Variants in SLC23A2 observed in about 807,000 individuals in gnomAD.
SLC23A2 encodes solute carrier family 23 member 2.
A neutral mutation model predicts 73.3 loss-of-function variants in SLC23A2; 36 were observed. The ratio of observed to expected loss-of-function variants is 0.49; its 90% CI spans 0.38 to 0.65. The LOEUF is 0.65. Among genes scored for constraint, SLC23A2 ranks in the 30% least tolerant of loss-of-function variants. The pLI is 0.00. For missense variants in SLC23A2, 507 were observed against 841.6 expected (o/e 0.60, Z 4.92); for synonymous variants, 343 against 327.3 (o/e 1.05, Z -0.52).
chr20:4,873,473 G>A (rs542937386), intron 11 of SLC23A2, among the ~76,000 whole-genome samples: 67 of 152,322 alleles, frequency 4.4e-4, no homozygotes, highest in Non-Finnish European at 7.4e-4. Context: ...CTCTACAGCT[G>A]TGGCCAAATT....
intron 2 of SLC23A2, among the ~76,000 whole-genome samples, chr20:4,936,083 T>G (rs1347058409): frequency 6.6e-6 from 1 of 152,248 alleles, no homozygotes; most frequent in African/African-American, 2.4e-5. Context: ...ATTTGGGGGA[T>G]GACCTTTTGA....
rs920211965 is a variant in SLC23A2 at position 4,872,731 on chromosome 20, A to G, written c.1102+1205T>C. Among the ~76,000 whole-genome samples, 1 of 151,978 alleles carries G rather than the reference A, an allele frequency of 6.6e-6. No homozygotes were observed. The highest frequency in any genetic ancestry group is 6.6e-5 in the Admixed American group (1 of 15,258). On this transcript the variant is annotated intron_variant, in intron 11 of 16. Coordinates refer to ENST00000338244, the MANE Select transcript of SLC23A2 (RefSeq NM_005116.6). This position sits in a 1 kb window ranked among gnomAD's most constrained non-coding sequence, Gnocchi z 4.4. ...TATAAATGCACACTTAGACCATACA[A>G]TCTGATGAGAAAGTTATTTTAGAAA... is the stretch of plus-strand genomic sequence containing the variant.
At chr20:4,957,665 C>T (rs978538212) in intron 2 of SLC23A2, among the ~76,000 whole-genome samples, 1 of 151,592 alleles carries the variant, frequency 6.6e-6, no homozygotes, top group Non-Finnish European at 1.5e-5. Flanking sequence ...CTTTGGGAGG[C>T]CAAGGCGGGC....
At chr20:4,914,891 T>G (rs1932271250) in intron 3 of SLC23A2, among the ~76,000 whole-genome samples, 1 of 151,882 alleles carries the variant, frequency 6.6e-6, no homozygotes, top group Non-Finnish European at 1.5e-5. Context: ...AATACAAAAA[T>G]AAGCCAGGCA....
At chr20:4,892,142 AG>A (rs1240608636) in intron 6 of SLC23A2, among the ~76,000 whole-genome samples, 1 of 152,106 alleles carries the variant, frequency 6.6e-6, no homozygotes, top group East Asian at 1.9e-4. Flanking sequence ...AATGATGGAA[AG>A]GGAGCCCAGC....
intron 11 of SLC23A2, among the ~76,000 whole-genome samples, chr20:4,870,835 A>C (rs978132371): frequency 3.3e-5 from 5 of 152,226 alleles, no homozygotes; most frequent in African/African-American, 1.2e-4. Flanking sequence ...CCAACAGTAA[A>C]GCATCCATAA....
chr20:4,965,688 C>A (rs1568646123), intron 2 of SLC23A2, among the ~76,000 whole-genome samples: 1 of 151,670 alleles, frequency 6.6e-6, no homozygotes, highest in African/African-American at 2.4e-5. Flanking sequence ...CACCCTCAGC[C>A]GGGCGCGGTG....
At chr20:4,901,221 G>T (rs1254345066) in intron 5 of SLC23A2, among the ~76,000 whole-genome samples, 1 of 152,086 alleles carries the variant, frequency 6.6e-6, no homozygotes, top group Non-Finnish European at 1.5e-5. Flanking sequence ...GTTACCATGG[G>T]CTGTGATACC....
At chr20:4,964,933 C>A (rs773222288) in intron 2 of SLC23A2, among the ~76,000 whole-genome samples, 5 of 151,112 alleles carry the variant, frequency 3.3e-5, no homozygotes, top group South Asian at 4.2e-4. Flanking sequence ...GAGGAAAACA[C>A]CAAAATAGTA....
At position 4,868,150 on chromosome 20, in the gene SLC23A2, G is replaced by A. The variant is rs112078802; in HGVS notation, c.1251-275C>T. Among the ~76,000 whole-genome samples the A allele has an allele frequency of 1.4e-5, 2 of 146,234 alleles. No individual in the cohort carries two copies. Among genetic ancestry groups the A allele is most frequent in the African/African-American group, 5.2e-5 (2 of 38,828 alleles). ...GCTGGAATGCAGTGACGCGATCTTG[G>A]CTCACTGCAACCTCCACCTCCTGGG... On this transcript the variant is annotated intron_variant, in intron 12 of 16. Transcript: ENST00000338244. This position sits in a 1 kb window ranked among gnomAD's most constrained non-coding sequence, Gnocchi z 4.4.
At chr20:4,900,481 AATATTTT>A (rs1460042896) in intron 5 of SLC23A2, among the ~76,000 whole-genome samples, 69 of 152,336 alleles carry the variant, frequency 4.5e-4, no homozygotes, top group African/African-American at 1.6e-3. Context: ...TTGATTTGCT[AATATTTT>A]ATACAGAATT....
Position 4,857,283 on chromosome 20 carries a change from TACACACACAC to T in SLC23A2, c.1721-89_1721-80del, listed in dbSNP as rs398035250. 7,821 of 419,926 alleles carry T rather than the reference TACACACACAC, an allele frequency of 0.019. 16 individuals carry two copies. The highest frequency in any genetic ancestry group is 0.031 in the African/African-American group (1,392 of 45,552). The allele number at this position is 419,926 out of a possible 1,614,324, so 26.0% of individuals were successfully genotyped here. A position where few individuals can be genotyped will look rare whatever the true frequency, so the allele number is the denominator to read the frequency against. ...GAAAATGAAACTGTCGTCAAACACA[TACACACACAC>T]ACACACACACACACACACACACACA... On this transcript the variant is annotated intron_variant, in intron 16 of 16. Transcript: ENST00000338244. The surrounding 1 kb of genome is among the most constrained non-coding windows in gnomAD (Gnocchi z 4.0).
At chr20:4,974,250 C>A (rs2087609521) in intron 1 of SLC23A2, among the ~76,000 whole-genome samples, 1 of 152,162 alleles carries the variant, frequency 6.6e-6, no homozygotes, top group African/African-American at 2.4e-5. Flanking sequence ...GTGGGTGGAT[C>A]ACCTGAGGTC....
chr20:4,898,416 G>A (rs947381339), intron 6 of SLC23A2, among the ~76,000 whole-genome samples: 1 of 152,230 alleles, frequency 6.6e-6, no homozygotes, highest in African/African-American at 2.4e-5. Context: ...GCAACCCTGA[G>A]GTCCCGAAGG....
intron 15 of SLC23A2, among the ~76,000 whole-genome samples, chr20:4,859,652 C>T (rs1006580956): frequency 2.6e-5 from 4 of 152,266 alleles, no homozygotes; most frequent in South Asian, 4.1e-4. Context: ...GTGGTGTTCA[C>T]CCTACAACGA....
chr20:4,998,663 G>A lies in SLC23A2; in HGVS notation c.-282+2743C>T, dbSNP rs1285931183. 2.6e-5 allele frequency among the ~76,000 whole-genome samples: 4 copies of A among 152,168 alleles called. No homozygotes were observed. The East Asian group carries it at 7.7e-4, about 29-fold the overall frequency. ...CAGACTGGTGTGTGAGAGTTTTATG[G>A]GCAAGGCCAGGAAACGGTTCAGGAA... On this transcript the variant is annotated intron_variant, in intron 1 of 16. Transcript: ENST00000338244. This position sits in a 1 kb window ranked among gnomAD's most constrained non-coding sequence, Gnocchi z 4.1.
intron 1 of SLC23A2, among the ~76,000 whole-genome samples, chr20:4,980,584 T>G (rs186957455): frequency 5.3e-5 from 8 of 151,846 alleles, no homozygotes; most frequent in African/African-American, 1.9e-4. Flanking sequence ...CAGGCTAGAC[T>G]GCAGTGGCAC....
upstream of SLC23A2, among the ~76,000 whole-genome samples, chr20:5,003,201 G>C (rs2088150511): frequency 6.6e-6 from 1 of 152,134 alleles, no homozygotes; most frequent in Admixed American, 6.5e-5. Flanking sequence ...GGCAAACACG[G>C]TGAAACCCCG....
Position 4,872,169 on chromosome 20 carries a change from A to G in SLC23A2, c.1102+1767T>C, listed in dbSNP as rs1437654414. On this transcript the variant is annotated intron_variant, in intron 11 of 16. Coordinates refer to ENST00000338244, the MANE Select transcript of SLC23A2 (RefSeq NM_005116.6). This position sits in a 1 kb window ranked among gnomAD's most constrained non-coding sequence, Gnocchi z 4.4. ...ACCAGAAATCTGTATTATATTAACA[A>G]TCAGTCCAGACCATGCCTAGTGTAC... Among the ~76,000 whole-genome samples the G allele has an allele frequency of 6.6e-6, 1 of 152,172 alleles. No individual in the cohort carries two copies. Among genetic ancestry groups the G allele is most frequent in the Non-Finnish European group, 1.5e-5 (1 of 68,028 alleles).
Sources: gnomAD v4.1 joint callset for allele counts (sites outside exome capture counted in the v4.1 genomes callset) on GRCh38, gnomAD v4.1.1 for gene constraint, Gnocchi (gnomAD v3.1) non-coding constraint, MANE v1.5 for transcripts, NCBI Gene and HGNC (gene_info 2026-07-23, HGNC 2026-07-21) for gene names.